The following SLC10A7 variants were observed in gnomAD, a reference collection of about 807,000 sequenced individuals.
SLC10A7 encodes the protein solute carrier family 10 member 7, also known as sodium/bile acid cotransporter 7.
Under a neutral mutation model 43.2 loss-of-function variants are expected in SLC10A7, and 29 were observed. The observed-to-expected ratio is 0.67, with a 90% CI of 0.50 to 0.92. SLC10A7 has a LOEUF of 0.92. Among genes scored for constraint, SLC10A7 ranks in the 40% least tolerant of loss-of-function variants. The pLI is 0.00. For missense variants in SLC10A7, 295 were observed against 403.2 expected (o/e 0.73, Z 2.30); for synonymous variants, 152 against 144.8 (o/e 1.05, Z -0.35).
At chr4:146,399,615 A>G (rs557110829) in intron 5 of SLC10A7, among the ~76,000 whole-genome samples, 10 of 152,216 alleles carry the variant, frequency 6.6e-5, no homozygotes, top group Admixed American at 1.3e-4. Flanking sequence ...AAGTTGATAA[A>G]CTCAAGATAC....
chr4:146,294,057 C>A lies in SLC10A7; in HGVS notation c.594G>T (p.Lys198Asn). Residue 198 changes from lysine to asparagine, a missense_variant, in exon 8 of 12, where the codon AAG becomes AAT. Lys to Asn is a moderately conservative substitution (Grantham distance 94, BLOSUM62 0). Transcript: ENST00000335472. ...TGCTGATAGCACCAAAAGGAGGCTT[C>A]TTTCTCTCAAGCCAATCCTTGATGT... Reference protein sequence around the residue: ...RRYIKDWLERKKPPFGAISSS... With the variant: ...RRYIKDWLERNKPPFGAISSS... The A allele has an allele frequency of 1.2e-6, 2 of 1,611,262 alleles. No homozygotes were observed. Among genetic ancestry groups the A allele is most frequent in the Non-Finnish European group, 1.7e-6 (2 of 1,178,232 alleles).
rs79409417 is a variant in SLC10A7 at position 146,289,315 on chromosome 4, A to G, written c.773+3614T>C. Among the ~76,000 whole-genome samples the G allele has an allele frequency of 2.9e-3, 436 of 152,314 alleles. 24 individuals carry two copies. In the East Asian group the frequency reaches 0.071, roughly 25 times the overall value. On this transcript the variant is annotated intron_variant, in intron 9 of 11. Coordinates refer to ENST00000335472, the MANE Select transcript of SLC10A7 (RefSeq NM_001029998.6). ...GGGCTATGGTGAAAGGCAGATTGAG[A>G]TATCTCACTGGAAATGTACTGATCA... is the stretch of plus-strand genomic sequence containing the variant.
chr4:146,375,497 A>C (rs1737126198), intron 5 of SLC10A7, among the ~76,000 whole-genome samples: 4 of 152,132 alleles, frequency 2.6e-5, no homozygotes, highest in African/African-American at 9.7e-5. Context: ...CTTAAATTGC[A>C]ATTTCCCCAA....
chr4:146,518,788 C>T (rs546611459), intron 1 of SLC10A7, among the ~76,000 whole-genome samples: 12 of 151,886 alleles, frequency 7.9e-5, no homozygotes, highest in African/African-American at 1.2e-4. Context: ...AGCCAAGGAA[C>T]GGCTGGCAAC....
At chr4:146,339,035 A>G (rs1734079054) in intron 5 of SLC10A7, among the ~76,000 whole-genome samples, 1 of 151,900 alleles carries the variant, frequency 6.6e-6, no homozygotes, top group Non-Finnish European at 1.5e-5. Flanking sequence ...GGACAGAGAA[A>G]GGAGGCAATG....
At chr4:146,418,041 T>TG (rs61356847) in intron 5 of SLC10A7, among the ~76,000 whole-genome samples, 19 of 151,476 alleles carry the variant, frequency 1.3e-4, no homozygotes, top group African/African-American at 4.1e-4. Context: ...ATGATGATGA[T>TG]AATGATCCAC....
At chr4:146,256,969 A>G (rs1277326423) in intron 11 of SLC10A7, 11 of 1,400,474 alleles carry the variant, frequency 7.9e-6, no homozygotes, top group Non-Finnish European at 1.1e-5. Context: ...ACAGTGTACA[A>G]TTTAGTCTCC....
At chr4:146,340,784 C>T (rs1734212298) in intron 5 of SLC10A7, among the ~76,000 whole-genome samples, 2 of 151,934 alleles carry the variant, frequency 1.3e-5, no homozygotes, top group South Asian at 4.1e-4. Flanking sequence ...AATGGATGTA[C>T]ATATATTCAT....
At chr4:146,514,134 C>T (rs928320315) in intron 2 of SLC10A7, 2 of 152,182 alleles carry the variant, frequency 1.3e-5, no homozygotes, top group African/African-American at 4.8e-5. Flanking sequence ...AGGCTCATAG[C>T]TCTGGGCTTG....
chr4:146,297,287 T>C (rs556492217), intron 7 of SLC10A7, among the ~76,000 whole-genome samples: 2 of 152,268 alleles, frequency 1.3e-5, no homozygotes, highest in South Asian at 4.1e-4. Flanking sequence ...AAAACTTTGA[T>C]TTTCTTTATT....
intron 5 of SLC10A7, among the ~76,000 whole-genome samples, chr4:146,401,494 C>T (rs1033984303): frequency 6.6e-6 from 1 of 152,162 alleles, no homozygotes; most frequent in Non-Finnish European, 1.5e-5. Context: ...CATAACCACA[C>T]TGGTGAGAGA....
At chr4:146,274,266 T>C (rs2111069314) in intron 10 of SLC10A7, among the ~76,000 whole-genome samples, 1 of 149,190 alleles carries the variant, frequency 6.7e-6, no homozygotes, top group South Asian at 2.2e-4. Context: ...TGCAGTGCCA[T>C]GATCTTGGAT....
chr4:146,305,082 C>A (rs1320380158), intron 7 of SLC10A7, among the ~76,000 whole-genome samples: 2 of 151,226 alleles, frequency 1.3e-5, no homozygotes, highest in East Asian at 1.9e-4. Context: ...TGGGTATATA[C>A]CCAAAGGACT....
intron 4 of SLC10A7, among the ~76,000 whole-genome samples, chr4:146,473,016 A>G (rs1733709895): frequency 6.6e-6 from 1 of 152,202 alleles, no homozygotes; most frequent in Non-Finnish European, 1.5e-5. Flanking sequence ...AATATAGAGG[A>G]CTAGAAGTGT....
intron 5 of SLC10A7, among the ~76,000 whole-genome samples, chr4:146,372,416 T>C (rs1188527534): frequency 6.9e-6 from 1 of 145,596 alleles, no homozygotes; most frequent in Non-Finnish European, 1.5e-5. Context: ...ATTGCACCAC[T>C]GAACTCCAGC....
At chr4:146,289,471 A>G (rs1040250076) in intron 9 of SLC10A7, among the ~76,000 whole-genome samples, 1 of 152,046 alleles carries the variant, frequency 6.6e-6, no homozygotes, top group Non-Finnish European at 1.5e-5. Context: ...AACTTTTTAT[A>G]TATTTTTAAA....
chr4:146,443,829 C>G (rs1479988117), intron 4 of SLC10A7, among the ~76,000 whole-genome samples: 1 of 152,206 alleles, frequency 6.6e-6, no homozygotes, highest in African/African-American at 2.4e-5. Context: ...GAGAGCTTAG[C>G]TCTCCTATTC....
intron 4 of SLC10A7, among the ~76,000 whole-genome samples, chr4:146,445,639 G>A (rs564919621): frequency 6.6e-6 from 1 of 152,236 alleles, no homozygotes. Flanking sequence ...CTTGGTACCC[G>A]AGTTCTTGTC....
chr4:146,516,494 A>G (rs1738005337), intron 2 of SLC10A7, among the ~76,000 whole-genome samples: 1 of 149,126 alleles, frequency 6.7e-6, no homozygotes, highest in Non-Finnish European at 1.5e-5. Context: ...ATATACACAT[A>G]TACATATACA....
Sources: allele counts gnomAD v4.1 joint callset (sites outside exome capture counted in the v4.1 genomes callset), GRCh38; gene constraint gnomAD v4.1.1; transcripts MANE v1.5; gene names NCBI Gene and HGNC (gene_info 2026-07-23, HGNC 2026-07-21).